The following NRG3 variants were observed in gnomAD, a reference collection of about 807,000 sequenced individuals.
The protein encoded by NRG3 is pro-neuregulin-3, membrane-bound isoform.
A neutral mutation model predicts 66.9 loss-of-function variants in NRG3; 31 were observed. The ratio of observed to expected loss-of-function variants is 0.46; its 90% CI spans 0.35 to 0.63. The LOEUF (loss-of-function observed/expected upper bound fraction) is 0.63. Among genes scored for constraint, NRG3 ranks in the 20% least tolerant of loss-of-function variants. The probability of loss-of-function intolerance (pLI) is 0.00; values close to 1 mark genes in which losing one functional copy is unlikely to be tolerated. For synonymous variants in NRG3, 393 were observed against 359.4 expected (o/e 1.09, Z -1.06); for missense variants, 910 against 878.9 (o/e 1.04, Z -0.45).
intron 1 of NRG3, among the ~76,000 whole-genome samples, chr10:82,262,869 A>G (rs936458273): frequency 6.6e-6 from 1 of 152,188 alleles, no homozygotes; most frequent in Admixed American, 6.5e-5. Context: ...AAGCTTGTCC[A>G]AAGTATTCAC....
intron 2 of NRG3, among the ~76,000 whole-genome samples, chr10:82,489,000 G>A (rs999609585): frequency 6.6e-6 from 1 of 152,100 alleles, no homozygotes; most frequent in African/African-American, 2.4e-5. Flanking sequence ...TAATAAACAT[G>A]ACTACTATTT....
intron 2 of NRG3, among the ~76,000 whole-genome samples, chr10:82,704,405 A>G (rs1212893295): frequency 6.6e-6 from 1 of 152,228 alleles, no homozygotes; most frequent in South Asian, 2.1e-4. Context: ...TACACTAACT[A>G]TAAATCTACC....
intron 1 of NRG3, among the ~76,000 whole-genome samples, chr10:82,272,888 A>G (rs1027163906): frequency 3.9e-5 from 6 of 152,006 alleles, no homozygotes; most frequent in African/African-American, 1.4e-4. Flanking sequence ...AAGGCTCGCT[A>G]TGGCCTTAAA....
chr10:82,755,168 T>C (rs549467396), intron 3 of NRG3, among the ~76,000 whole-genome samples: 1 of 152,230 alleles, frequency 6.6e-6, no homozygotes, highest in South Asian at 2.1e-4. Context: ...GCAACCATTG[T>C]AGTATTATCA....
intron 2 of NRG3, among the ~76,000 whole-genome samples, chr10:82,366,595 G>A (rs2084540175): frequency 6.6e-6 from 1 of 151,916 alleles, no homozygotes; most frequent in African/African-American, 2.4e-5. Flanking sequence ...CAGCGTAACG[G>A]GCCATAATTG....
chr10:82,216,649 T>G (rs374223467), intron 1 of NRG3, among the ~76,000 whole-genome samples: 2 of 151,438 alleles, frequency 1.3e-5, no homozygotes, highest in East Asian at 3.9e-4. Context: ...GGGATATATT[T>G]TCTAATATGT....
At chr10:82,931,009 G>A (rs1847523476) in intron 4 of NRG3, among the ~76,000 whole-genome samples, 1 of 152,170 alleles carries the variant, frequency 6.6e-6, no homozygotes, top group Non-Finnish European at 1.5e-5. Context: ...CAGGAGCCTG[G>A]AGCAGAGTAT....
intron 1 of NRG3, among the ~76,000 whole-genome samples, chr10:82,276,377 T>C (rs564355289): frequency 6.2e-4 from 95 of 152,118 alleles, no homozygotes; most frequent in African/African-American, 2.1e-3. Context: ...ATTAGAAATA[T>C]AGTTCATGAA....
chr10:82,596,015 A>G (rs191160776), intron 2 of NRG3, among the ~76,000 whole-genome samples: 1 of 152,238 alleles, frequency 6.6e-6, no homozygotes, highest in South Asian at 2.1e-4. Context: ...GAAATATTTA[A>G]TAAATAAACC....
intron 1 of NRG3, among the ~76,000 whole-genome samples, chr10:82,135,774 A>G (rs1057129871): frequency 6.6e-6 from 1 of 152,038 alleles, no homozygotes; most frequent in Non-Finnish European, 1.5e-5. Flanking sequence ...AGCTTCCTTA[A>G]AACAGCAATT....
intron 2 of NRG3, among the ~76,000 whole-genome samples, chr10:82,521,549 C>T (rs1408459177): frequency 6.6e-6 from 1 of 152,072 alleles, no homozygotes; most frequent in Non-Finnish European, 1.5e-5. Context: ...ACCGTGTTAG[C>T]CAGGATGGTC....
At chr10:82,879,080 A>C (rs1243530276) in intron 4 of NRG3, among the ~76,000 whole-genome samples, 1 of 152,184 alleles carries the variant, frequency 6.6e-6, no homozygotes, top group East Asian at 1.9e-4. Flanking sequence ...TATTTTATTC[A>C]TATTAACTTC....
intron 3 of NRG3, among the ~76,000 whole-genome samples, chr10:82,783,798 C>A (rs1428215049): frequency 6.6e-5 from 10 of 152,040 alleles, no homozygotes; most frequent in Non-Finnish European, 1.0e-4. Flanking sequence ...TAATTTATAG[C>A]TTCAATGCCA....
chr10:82,549,380 C>G (rs997737628), intron 2 of NRG3, among the ~76,000 whole-genome samples: 2 of 152,100 alleles, frequency 1.3e-5, no homozygotes, highest in African/African-American at 4.8e-5. Flanking sequence ...AGAGCTGATT[C>G]TAGCAGACAA....
intron 1 of NRG3, among the ~76,000 whole-genome samples, chr10:82,231,916 A>G (rs538884489): frequency 6.6e-6 from 1 of 152,372 alleles, no homozygotes; most frequent in African/African-American, 2.4e-5. Context: ...CATTTAAAAA[A>G]TATCTTTAAG....
At chr10:82,288,019 G>A (rs1234904634) in intron 1 of NRG3, among the ~76,000 whole-genome samples, 1 of 152,184 alleles carries the variant, frequency 6.6e-6, no homozygotes, top group African/African-American at 2.4e-5. Context: ...GTAAATTTCT[G>A]TGGATGCAGT....
intron 1 of NRG3, among the ~76,000 whole-genome samples, chr10:82,034,198 T>C (rs2062691135): frequency 6.6e-6 from 1 of 152,160 alleles, no homozygotes; most frequent in African/African-American, 2.4e-5. Flanking sequence ...TTTTTTAAAT[T>C]ACTTAGCATT....
intron 4 of NRG3, among the ~76,000 whole-genome samples, chr10:82,877,127 G>T (rs1841900024): frequency 6.6e-6 from 1 of 152,098 alleles, no homozygotes; most frequent in Admixed American, 6.6e-5. Context: ...CAGGAGCTAG[G>T]ATAAGTCAGC....
At chr10:82,369,945 AG>A (rs2084776171) in intron 2 of NRG3, among the ~76,000 whole-genome samples, 1 of 137,802 alleles carries the variant, frequency 7.3e-6, no homozygotes, top group Non-Finnish European at 1.5e-5. Flanking sequence ...GTCGTCCCCC[AG>A]CTGAAACCCC....
Sources: gnomAD v4.1 joint callset for allele counts (sites outside exome capture counted in the v4.1 genomes callset) on GRCh38, gnomAD v4.1.1 for gene constraint, MANE v1.5 for transcripts, NCBI Gene and HGNC (gene_info 2026-07-23, HGNC 2026-07-21) for gene names.